Variants in CTNNA2 observed in about 807,000 individuals in gnomAD.
CTNNA2 encodes catenin alpha-2.
In CTNNA2, 42 loss-of-function variants were observed where a neutral mutation model predicts 101.0. The ratio of observed to expected loss-of-function variants is 0.42; its 90% confidence interval spans 0.32 to 0.54. The LOEUF (loss-of-function observed/expected upper bound fraction) is 0.54. Ranked by LOEUF, CTNNA2 falls within the 20% of genes least tolerant of loss-of-function variation. The probability of loss-of-function intolerance (pLI) is 0.14; values close to 1 mark genes in which losing one functional copy is unlikely to be tolerated. For missense variants in CTNNA2, 871 were observed against 1,223.1 expected, an observed-to-expected ratio of 0.71 and a Z score of 4.29; for synonymous variants, 450 against 456.4, an observed-to-expected ratio of 0.99 and a Z score of 0.18.
At chr2:79,476,366 G>A (rs1440725404) in intron 4 of CTNNA2, among the ~76,000 whole-genome samples, 1 of 152,180 alleles carries the variant, frequency 6.6e-6, no homozygotes, top group Non-Finnish European at 1.5e-5. Context: ...GCATCCAAGA[G>A]AACTGGGCTG....
chr2:80,450,982 TA>T (rs56373407), intron 9 of CTNNA2, among the ~76,000 whole-genome samples: 19 of 148,552 alleles, frequency 1.3e-4, no homozygotes, highest in African/African-American at 1.5e-4. Context: ...TGTCATTGTT[TA>T]AAAAAAAAAA....
intron 7 of CTNNA2, among the ~76,000 whole-genome samples, chr2:79,997,322 A>G (rs1389148834): frequency 6.6e-6 from 1 of 151,814 alleles, no homozygotes; most frequent in Admixed American, 6.6e-5. Context: ...AAAAAAAGAG[A>G]GGGAGGGAGG....
In CTNNA2 at chr2:79,756,189, A is replaced by G. The variant is rs78176277; in HGVS notation, c.298+11607A>G. Among the ~76,000 whole-genome samples, 529 of 152,222 alleles carry G rather than the reference A, an allele frequency of 3.5e-3. 5 individuals are homozygous for G. Among genetic ancestry groups the G allele is most frequent in the African/African-American group, 0.012 (514 of 41,554 alleles). ...AACCCTTGGCTTTTGAAAATGCTAT[A>G]TTCTTTCAGCAAAAATAACAGCAAC... On this transcript the variant is annotated intron_variant, in intron 3 of 18. Coordinates refer to ENST00000402739, the MANE Select transcript of CTNNA2 (RefSeq NM_001282597.3).
At chr2:80,558,482 GTGTGTATA>G (rs1558585352) in intron 12 of CTNNA2, among the ~76,000 whole-genome samples, 1 of 149,510 alleles carries the variant, frequency 6.7e-6, no homozygotes, top group Non-Finnish European at 1.5e-5. Context: ...GTGTGTGTGT[GTGTGTATA>G]TATATATGTT....
At chr2:80,464,342 A>G (rs558214161) in intron 9 of CTNNA2, among the ~76,000 whole-genome samples, 32 of 152,304 alleles carry the variant, frequency 2.1e-4, no homozygotes, top group Middle Eastern at 3.4e-3. Context: ...GGGGTATCAG[A>G]CATTGGGTTA....
intron 2 of CTNNA2, among the ~76,000 whole-genome samples, chr2:79,228,766 C>T (rs555385986): frequency 2.0e-5 from 3 of 152,018 alleles, no homozygotes; most frequent in South Asian, 4.1e-4. Context: ...TTAGGTTCCA[C>T]TTATCAATTT....
chr2:80,412,887 TAACGTTGA>T (rs1362301176), intron 8 of CTNNA2, among the ~76,000 whole-genome samples: 3 of 152,108 alleles, frequency 2.0e-5, no homozygotes, highest in Non-Finnish European at 2.9e-5. Flanking sequence ...CAAGCCGGCC[TAACGTTGA>T]ATGAGCCTTT....
intron 4 of CTNNA2, among the ~76,000 whole-genome samples, chr2:79,440,451 A>T (rs1185910413): frequency 6.6e-6 from 1 of 152,162 alleles, no homozygotes; most frequent in East Asian, 1.9e-4. Flanking sequence ...GAGAATCCTT[A>T]TTTTTAATGT....
At chr2:80,270,534 T>A (rs1372271452) in intron 7 of CTNNA2, among the ~76,000 whole-genome samples, 3 of 152,066 alleles carry the variant, frequency 2.0e-5, no homozygotes, top group Admixed American at 6.5e-5. Flanking sequence ...GGAAGAAAAA[T>A]TTTTAGACAC....
intron 9 of CTNNA2, among the ~76,000 whole-genome samples, chr2:80,541,286 G>A (rs572423779): frequency 1.3e-5 from 2 of 152,270 alleles, no homozygotes; most frequent in South Asian, 4.1e-4. Context: ...ATGAAATTCT[G>A]GGTTTTAAGT....
At chr2:79,637,529 C>A (rs1680156999) in intron 1 of CTNNA2, among the ~76,000 whole-genome samples, 1 of 152,084 alleles carries the variant, frequency 6.6e-6, no homozygotes, top group African/African-American at 2.4e-5. Context: ...AAAGACCTTC[C>A]ATATTGGATT....
At chr2:79,357,089 G>A (rs577663908) in intron 3 of CTNNA2, among the ~76,000 whole-genome samples, 2 of 152,258 alleles carry the variant, frequency 1.3e-5, no homozygotes, top group African/African-American at 2.4e-5. Context: ...CACTCTGGGA[G>A]ACCAAGGCAG....
intron 4 of CTNNA2, among the ~76,000 whole-genome samples, chr2:79,375,158 G>A (rs1417235653): frequency 1.3e-5 from 2 of 152,116 alleles, no homozygotes; most frequent in Admixed American, 6.6e-5. Context: ...CAGGGCAGCT[G>A]TGGATACTAA....
intron 2 of CTNNA2, among the ~76,000 whole-genome samples, chr2:79,311,788 C>T (rs1363437915): frequency 6.6e-6 from 1 of 152,208 alleles, no homozygotes; most frequent in Admixed American, 6.5e-5. Context: ...GCCTCATTTG[C>T]AGAAGCAGTC....
chr2:79,744,694 CCTTT>C, intron 3 of CTNNA2, 112 bp downstream of exon 3: 1 of 1,027,246 alleles, frequency 9.7e-7, no homozygotes, highest in Non-Finnish European at 1.4e-6. Context: ...ACGTTTTTTT[CCTTT>C]CTATCTACAC....
At chr2:79,429,340 T>G (rs1158004) in intron 4 of CTNNA2, among the ~76,000 whole-genome samples, 3,079 of 152,224 alleles carry the variant, frequency 0.02, 93 homozygotes, top group African/African-American at 0.07. Flanking sequence ...TTTCCTCATC[T>G]GTAAAATGAG....
At chr2:79,775,686 T>A (rs1352977515) in intron 3 of CTNNA2, among the ~76,000 whole-genome samples, 1 of 152,148 alleles carries the variant, frequency 6.6e-6, no homozygotes, top group Non-Finnish European at 1.5e-5. Flanking sequence ...ATGGGAACAT[T>A]AGGCCATTTT....
At chr2:80,403,801 G>T (rs2149383388) in intron 8 of CTNNA2, among the ~76,000 whole-genome samples, 1 of 152,234 alleles carries the variant, frequency 6.6e-6, no homozygotes, top group East Asian at 1.9e-4. Context: ...CTAGTTTATT[G>T]AGAGTTTTTA....
chr2:80,460,176 T>A (rs192354170), intron 9 of CTNNA2, among the ~76,000 whole-genome samples: 1 of 152,228 alleles, frequency 6.6e-6, no homozygotes, highest in East Asian at 1.9e-4. Context: ...GAAAAAAAAT[T>A]GCCTTTGTGC....
Sources: allele counts gnomAD v4.1 joint callset (sites outside exome capture counted in the v4.1 genomes callset), GRCh38; gene constraint gnomAD v4.1.1; transcripts MANE v1.5; gene names NCBI Gene and HGNC (gene_info 2026-07-23, HGNC 2026-07-21).